MAGI1: variants seen among roughly 807,000 people sequenced by gnomAD.
The protein encoded by MAGI1 is membrane associated guanylate kinase, WW and PDZ domain containing 1.
In MAGI1, 58 loss-of-function variants were observed where a neutral mutation model predicts 139.9. That is an observed-to-expected ratio of 0.41 (90% CI 0.34 to 0.52). MAGI1 has a LOEUF of 0.52. MAGI1 is among the 20% of genes least tolerant of loss of function. The probability of loss-of-function intolerance (pLI) is 0.12; values close to 1 mark genes in which losing one functional copy is unlikely to be tolerated. For missense variants in MAGI1, 1,874 were observed against 1,901.6 expected, an observed-to-expected ratio of 0.99 and a Z score of 0.27; for synonymous variants, 812 against 737.9, an observed-to-expected ratio of 1.10 and a Z score of -1.63.
chr3:66,022,756 C>A (rs914848894), intron 1 of MAGI1, among the ~76,000 whole-genome samples: 2 of 152,162 alleles, frequency 1.3e-5, no homozygotes, highest in African/African-American at 2.4e-5. Flanking sequence ...AATCACGAAA[C>A]CTCAGTGGCA....
At chr3:65,746,164 T>C (rs1444120698) in intron 1 of MAGI1, among the ~76,000 whole-genome samples, 1 of 152,112 alleles carries the variant, frequency 6.6e-6, no homozygotes, top group Non-Finnish European at 1.5e-5. Flanking sequence ...GCCTCCCAAC[T>C]AGCTGGGACT....
chr3:65,653,996 C>T (rs898036264), intron 1 of MAGI1, among the ~76,000 whole-genome samples: 1 of 152,064 alleles, frequency 6.6e-6, no homozygotes, highest in African/African-American at 2.4e-5. Flanking sequence ...GAAATACAGC[C>T]ATATGTGAAC....
intron 1 of MAGI1, among the ~76,000 whole-genome samples, chr3:65,939,701 C>T (rs1167984653): frequency 3.9e-5 from 6 of 152,088 alleles, no homozygotes; most frequent in African/African-American, 1.4e-4. Flanking sequence ...GCATCTAAAA[C>T]CCAGTAAGAA....
chr3:65,614,848 A>C (rs566714019), intron 2 of MAGI1, among the ~76,000 whole-genome samples: 3 of 152,024 alleles, frequency 2.0e-5, no homozygotes, highest in African/African-American at 7.2e-5. Context: ...GATAAAATAC[A>C]TAAGATCAAA....
At chr3:65,696,046 C>A (rs2089153310) in intron 1 of MAGI1, among the ~76,000 whole-genome samples, 1 of 152,162 alleles carries the variant, frequency 6.6e-6, no homozygotes, top group Non-Finnish European at 1.5e-5. Flanking sequence ...AATCCAATGG[C>A]CAGTCACCGT....
intron 1 of MAGI1, among the ~76,000 whole-genome samples, chr3:65,836,767 C>T (rs534052175): frequency 1.5e-4 from 22 of 151,698 alleles, no homozygotes; most frequent in South Asian, 6.3e-4. Flanking sequence ...GCAGCCTGGG[C>T]GACAGAGCAA....
intron 1 of MAGI1, among the ~76,000 whole-genome samples, chr3:65,646,571 C>T (rs917176993): frequency 1.3e-5 from 2 of 152,142 alleles, no homozygotes; most frequent in Middle Eastern, 3.4e-3. Context: ...ATTTACAGAA[C>T]AATTGACCAA....
chr3:65,935,158 T>C (rs1238846588), intron 1 of MAGI1, among the ~76,000 whole-genome samples: 1 of 152,122 alleles, frequency 6.6e-6, no homozygotes, highest in African/African-American at 2.4e-5. Flanking sequence ...AAACTATGTA[T>C]AGCAGTCAGC....
intron 2 of MAGI1, among the ~76,000 whole-genome samples, chr3:65,548,947 G>A (rs1576285223): frequency 6.6e-6 from 1 of 152,194 alleles, no homozygotes; most frequent in African/African-American, 2.4e-5. Context: ...AGGGGGAAGG[G>A]AACCTGGCTC....
At chr3:65,897,695 C>T (rs969090319) in intron 1 of MAGI1, among the ~76,000 whole-genome samples, 8 of 151,808 alleles carry the variant, frequency 5.3e-5, no homozygotes, top group Admixed American at 3.3e-4. Context: ...CCTGTCTCCA[C>T]AAAATTTTTT....
At chr3:65,390,157 G>A (rs957538232) in intron 14 of MAGI1, among the ~76,000 whole-genome samples, 3 of 152,136 alleles carry the variant, frequency 2.0e-5, no homozygotes, top group African/African-American at 4.8e-5. Context: ...CACGACTCTC[G>A]ATGGGGACCC....
At chr3:65,389,946 C>T (rs899516619) in intron 14 of MAGI1, among the ~76,000 whole-genome samples, 1 of 152,182 alleles carries the variant, frequency 6.6e-6, no homozygotes, top group Non-Finnish European at 1.5e-5. Flanking sequence ...TCACCTCTGC[C>T]CCCCAACTGC....
intron 1 of MAGI1, among the ~76,000 whole-genome samples, chr3:65,678,813 A>G (rs192956901): frequency 3.0e-4 from 46 of 152,322 alleles, no homozygotes; most frequent in Non-Finnish European, 5.9e-5. Context: ...CCTGGAACTC[A>G]ACAGGCTCCT....
chr3:65,456,975 C>T (rs928711812), intron 5 of MAGI1, among the ~76,000 whole-genome samples: 9 of 151,972 alleles, frequency 5.9e-5, no homozygotes, highest in Admixed American at 5.2e-4. Context: ...TGATATCAAG[C>T]AGACTAATTA....
intron 1 of MAGI1, among the ~76,000 whole-genome samples, chr3:65,851,486 C>G (rs754059177): frequency 2.6e-5 from 4 of 152,210 alleles, no homozygotes; most frequent in Admixed American, 6.5e-5. Flanking sequence ...CGGTGGCTCA[C>G]GCCTCTAATC....
chr3:65,836,117 C>A (rs754856326), intron 1 of MAGI1, among the ~76,000 whole-genome samples: 54 of 152,248 alleles, frequency 3.5e-4, no homozygotes, highest in Non-Finnish European at 7.1e-4. Flanking sequence ...CCAGACATTG[C>A]ATTGAGCAGG....
chr3:66,031,378 T>C (rs924931919), intron 1 of MAGI1, among the ~76,000 whole-genome samples: 5 of 152,232 alleles, frequency 3.3e-5, no homozygotes, highest in Non-Finnish European at 7.3e-5. Flanking sequence ...TTTTCTCTTA[T>C]AAACCACTTA....
chr3:65,733,122 G>T (rs757053783), intron 1 of MAGI1, among the ~76,000 whole-genome samples: 13 of 151,652 alleles, frequency 8.6e-5, no homozygotes, highest in Non-Finnish European at 1.5e-4. Flanking sequence ...GCAATGGCGC[G>T]ATCTTGGCTC....
chr3:65,530,756 C>T lies in MAGI1; in HGVS notation c.431-37125G>A, dbSNP rs796122845. On this transcript the variant is annotated intron_variant, in intron 2 of 22. Transcript: ENST00000402939. ...ATATATATATGCACATATATATACACGTATATATATATATATACACACATA... is the reference window on the plus strand; with the variant it reads ...ATATATATATGCACATATATATACATGTATATATATATATATACACACATA... 2.2e-3 allele frequency among the ~76,000 whole-genome samples: 64 copies of T among 29,600 alleles called. 1 individual carries two copies. In the South Asian group the frequency reaches 0.031, roughly 14 times the overall value. The allele number at this position is 29,600 out of a possible 152,430, so 19.4% of individuals were successfully genotyped here.
Sources: gnomAD v4.1 joint callset for allele counts (sites outside exome capture counted in the v4.1 genomes callset) on GRCh38, gnomAD v4.1.1 for gene constraint, MANE v1.5 for transcripts, NCBI Gene and HGNC (gene_info 2026-07-23, HGNC 2026-07-21) for gene names.